Variants in PLD5 observed in about 807,000 individuals in gnomAD.
The protein encoded by PLD5 is phospholipase D family member 5, also known as inactive phospholipase D5.
A neutral mutation model predicts 61.1 loss-of-function variants in PLD5; 36 were observed. The observed-to-expected ratio is 0.59, with a 90% CI of 0.45 to 0.78. The LOEUF (loss-of-function observed/expected upper bound fraction) is 0.78, where lower values mean the gene tolerates loss of function less well. Ranked by LOEUF, PLD5 falls within the 30% of genes least tolerant of loss-of-function variation. PLD5 has a pLI of 0.00. For synonymous variants in PLD5, 243 were observed against 242.8 expected, an observed-to-expected ratio of 1.00 and a Z score of -0.01; for missense variants, 515 against 644.4, an observed-to-expected ratio of 0.80 and a Z score of 2.17.
At chr1:242,441,632 T>C (rs1249521207) in intron 1 of PLD5, among the ~76,000 whole-genome samples, 1 of 152,158 alleles carries the variant, frequency 6.6e-6, no homozygotes, top group South Asian at 2.1e-4. Context: ...AGGATATATA[T>C]TACTTTTGCA....
rs774041271 is a variant in PLD5, at chr1:242,394,092, G to GTATATATGTGTATATATATGAGTA, written c.190-45874_190-45851dup. Among the ~76,000 whole-genome samples, 112 of 80,272 alleles carry GTATATATGTGTATATATATGAGTA rather than the reference G, an allele frequency of 1.4e-3. 10 individuals are homozygous for GTATATATGTGTATATATATGAGTA. Among genetic ancestry groups the GTATATATGTGTATATATATGAGTA allele is most frequent in the South Asian group, 4.7e-3 (11 of 2,316 alleles). 52.7% of individuals were successfully genotyped at this position (80,272 alleles called of 152,430 possible). A position where few individuals can be genotyped will look rare whatever the true frequency, so the allele number is the denominator to read the frequency against. On this transcript the variant is annotated intron_variant, in intron 1 of 9. Transcript: ENST00000536534. The stretch of plus-strand genomic sequence containing the variant: ...CATATATATATATGAGTATATATAT[G>GTATATATGTGTATATATATGAGTA]TATATATGTGTATATATATGAGTAT...
chr1:242,361,969 A>ATT lies in PLD5; in HGVS notation c.190-13729_190-13728dup, dbSNP rs1172656842. ...GGCCAACATACTGAGACCTCATCTCATTTTTTTTTTTTTTTGGTATAAAAA... is the reference window on the plus strand; with the variant it reads ...GGCCAACATACTGAGACCTCATCTCATTTTTTTTTTTTTTTTTGGTATAAAAA... On this transcript the variant is annotated intron_variant, in intron 1 of 9. Coordinates refer to ENST00000536534, the MANE Select transcript of PLD5 (RefSeq NM_001372062.1). 8.7e-5 allele frequency among the ~76,000 whole-genome samples: 12 copies of ATT among 137,578 alleles called. No homozygotes were observed. The South Asian group carries it at 9.4e-4, about 11-fold the overall frequency. The allele number at this position is 137,578 out of a possible 152,430, so 90.3% of individuals were successfully genotyped here. A position where few individuals can be genotyped will look rare whatever the true frequency, so the allele number is the denominator to read the frequency against.
chr1:242,433,081 A>G (rs1177453621), intron 1 of PLD5, among the ~76,000 whole-genome samples: 1 of 152,212 alleles, frequency 6.6e-6, no homozygotes, highest in Non-Finnish European at 1.5e-5. Flanking sequence ...TAGAGGGGAA[A>G]AAAAGCAAAA....
chr1:242,300,837 C>T (rs568686089), intron 2 of PLD5, among the ~76,000 whole-genome samples: 3 of 152,160 alleles, frequency 2.0e-5, no homozygotes, highest in East Asian at 1.9e-4. Flanking sequence ...CTTGAACCAC[C>T]GTGTGAATGC....
chr1:242,298,740 C>T (rs1286215474), intron 2 of PLD5, among the ~76,000 whole-genome samples: 1 of 152,168 alleles, frequency 6.6e-6, no homozygotes, highest in Non-Finnish European at 1.5e-5. Context: ...GGAGCCCCCT[C>T]CTTATTCTAT....
chr1:242,336,728 A>C (rs1015285963), intron 2 of PLD5, among the ~76,000 whole-genome samples: 4 of 152,000 alleles, frequency 2.6e-5, no homozygotes, highest in African/African-American at 7.2e-5. Flanking sequence ...TATCATCTGT[A>C]TATATTAGTT....
chr1:242,219,263 C>A (rs776887661), intron 5 of PLD5, among the ~76,000 whole-genome samples: 4 of 152,026 alleles, frequency 2.6e-5, no homozygotes, highest in African/African-American at 9.7e-5. Flanking sequence ...AGTATAATAG[C>A]GTGATCCCAA....
intron 1 of PLD5, among the ~76,000 whole-genome samples, chr1:242,473,496 A>T (rs1405544487): frequency 3.9e-5 from 6 of 152,270 alleles, no homozygotes; most frequent in African/African-American, 1.2e-4. Flanking sequence ...ATCTAATGCT[A>T]TTAGAAAAAA....
chr1:242,089,659 A>G lies in PLD5; in HGVS notation c.*195T>C, dbSNP rs77519876. 0.072 allele frequency: 47,269 copies of G among 653,102 alleles called. 2,085 individuals carry two copies. Among genetic ancestry groups the G allele is most frequent in the Middle Eastern group, 0.14 (323 of 2,310 alleles). 40.5% of individuals were successfully genotyped at this position (653,102 alleles called of 1,614,324 possible). A position where few individuals can be genotyped will look rare whatever the true frequency, so the allele number is the denominator to read the frequency against. The stretch of plus-strand genomic sequence containing the variant: ...ATGACATTCTCTGTCAGAGGTAACA[A>G]ATACAAAAGTCTTAATTTTAGTGTA... On this transcript the variant is annotated 3_prime_UTR_variant, in exon 10 of 10. Transcript: ENST00000536534.
At chr1:242,165,109 C>CACTT (rs1666206737) in intron 5 of PLD5, among the ~76,000 whole-genome samples, 1 of 152,024 alleles carries the variant, frequency 6.6e-6, no homozygotes, top group African/African-American at 2.4e-5. Flanking sequence ...CTCCCCTTTT[C>CACTT]ACTTACATTC....
chr1:242,423,892 G>C (rs61845895), intron 1 of PLD5, among the ~76,000 whole-genome samples: 24,948 of 152,070 alleles, frequency 0.16, 2,351 homozygotes, highest in African/African-American at 0.25. Flanking sequence ...CAGGGGCAAT[G>C]GTTTATTTTC....
intron 4 of PLD5, among the ~76,000 whole-genome samples, chr1:242,223,457 G>A (rs1465864550): frequency 6.6e-6 from 1 of 152,196 alleles, no homozygotes; most frequent in African/African-American, 2.4e-5. Flanking sequence ...AACCCCAAGT[G>A]AAGGCCGGAG....
intron 5 of PLD5, chr1:242,210,281 A>C (rs1449116852): frequency 1.3e-5 from 2 of 152,292 alleles, no homozygotes; most frequent in African/African-American, 4.8e-5. Context: ...TCTTGCTGAC[A>C]TGAGAAAGTT....
intron 5 of PLD5, among the ~76,000 whole-genome samples, chr1:242,166,372 T>C (rs956883805): frequency 6.6e-6 from 1 of 152,194 alleles, no homozygotes; most frequent in Admixed American, 6.5e-5. Context: ...CATTTCCTGT[T>C]TAGGACAGGG....
At chr1:242,296,299 G>A (rs1399286364) in intron 2 of PLD5, among the ~76,000 whole-genome samples, 1 of 152,188 alleles carries the variant, frequency 6.6e-6, no homozygotes, top group East Asian at 1.9e-4. Flanking sequence ...GGCATAATTT[G>A]CAAATATTTT....
At chr1:242,368,907 T>C (rs1261769442) in intron 1 of PLD5, among the ~76,000 whole-genome samples, 1 of 151,920 alleles carries the variant, frequency 6.6e-6, no homozygotes, top group African/African-American at 2.4e-5. Flanking sequence ...CCGAGGACTC[T>C]TTTGCCCTCA....
At chr1:242,515,685 A>G (rs1558162849) in intron 1 of PLD5, among the ~76,000 whole-genome samples, 1 of 152,346 alleles carries the variant, frequency 6.6e-6, no homozygotes, top group East Asian at 1.9e-4. Context: ...ACTACAATAC[A>G]TTGTCCATTC....
chr1:242,362,099 T>C lies in PLD5; in HGVS notation c.190-13857A>G, dbSNP rs1661102424. ...TATCCAAAAATTAAAATTATTCATA[T>C]TATTTTTCATTTATTTACCATGACA... On this transcript the variant is annotated intron_variant, in intron 1 of 9. Transcript: ENST00000536534. Among the ~76,000 whole-genome samples the C allele has an allele frequency of 2.0e-5, 3 of 152,086 alleles. No individual in the cohort carries two copies. In the South Asian group the frequency reaches 6.2e-4, roughly 31 times the overall value.
intron 1 of PLD5, among the ~76,000 whole-genome samples, chr1:242,421,634 G>A (rs1395095745): frequency 4.6e-5 from 7 of 152,196 alleles, no homozygotes; most frequent in African/African-American, 1.7e-4. Flanking sequence ...AACGAAAGTT[G>A]GGAGGTCTTC....
Sources: gnomAD v4.1 joint callset for allele counts (sites outside exome capture counted in the v4.1 genomes callset) on GRCh38, gnomAD v4.1.1 for gene constraint, MANE v1.5 for transcripts, NCBI Gene and HGNC (gene_info 2026-07-23, HGNC 2026-07-21) for gene names.